Variants in CNBD1 observed in about 807,000 individuals in gnomAD.
The protein encoded by CNBD1 is cyclic nucleotide binding domain containing 1.
Under a neutral mutation model 54.4 loss-of-function variants are expected in CNBD1, and 71 were observed. That is an observed-to-expected ratio of 1.30 (90% confidence interval 1.08 to 1.59). CNBD1 has a LOEUF of 1.59. Ranked by LOEUF, CNBD1 falls within the 40% of genes most tolerant of loss-of-function variation. The probability of loss-of-function intolerance (pLI) is 0.00; values close to 1 mark genes in which losing one functional copy is unlikely to be tolerated. For synonymous variants in CNBD1, 182 were observed against 170.7 expected (o/e 1.07, Z -0.51); for missense variants, 659 against 518.0 (o/e 1.27, Z -2.64).
At chr8:87,213,977 C>T (rs1200497357) in intron 5 of CNBD1, among the ~76,000 whole-genome samples, 3 of 152,074 alleles carry the variant, frequency 2.0e-5, no homozygotes, top group Admixed American at 2.0e-4. Context: ...CATGCAAGTC[C>T]AAAATGCAGC....
chr8:86,906,453 A>G (rs924833955), intron 3 of CNBD1, among the ~76,000 whole-genome samples: 3 of 150,648 alleles, frequency 2.0e-5, no homozygotes, highest in Non-Finnish European at 4.4e-5. Context: ...CCAAGACTGT[A>G]TCTATCATGT....
intron 4 of CNBD1, among the ~76,000 whole-genome samples, chr8:87,035,104 G>T (rs1586212542): frequency 1.3e-5 from 2 of 151,986 alleles, no homozygotes; most frequent in South Asian, 4.1e-4. Context: ...TTGTCTTTTG[G>T]CAAGATATGT....
intron 4 of CNBD1, among the ~76,000 whole-genome samples, chr8:86,992,145 T>A (rs1808763962): frequency 6.6e-6 from 1 of 152,166 alleles, no homozygotes; most frequent in Admixed American, 6.5e-5. Context: ...GCTGTCTAAG[T>A]CTTTTCATAG....
intron 10 of CNBD1, among the ~76,000 whole-genome samples, chr8:87,372,139 G>A (rs1224512203): frequency 6.6e-6 from 1 of 152,032 alleles, no homozygotes; most frequent in Non-Finnish European, 1.5e-5. Context: ...CTTCAGCCAA[G>A]TCTCAGGATA....
intron 2 of CNBD1, among the ~76,000 whole-genome samples, chr8:86,902,513 A>C: frequency 6.6e-6 from 1 of 152,108 alleles, no homozygotes; most frequent in East Asian, 1.9e-4. Flanking sequence ...ACCTTATGAC[A>C]CTTGCTTGGA....
intron 4 of CNBD1, among the ~76,000 whole-genome samples, chr8:87,058,859 G>T (rs932725398): frequency 4.6e-5 from 7 of 152,142 alleles, no homozygotes; most frequent in African/African-American, 1.7e-4. Flanking sequence ...TTGGCTTATT[G>T]TTACTTATGC....
At chr8:87,398,655 C>A (rs1364517448) in intron 2 of CNBD1, among the ~76,000 whole-genome samples, 5 of 152,072 alleles carry the variant, frequency 3.3e-5, no homozygotes, top group African/African-American at 9.6e-5. Flanking sequence ...TCCACACATG[C>A]CTTTCATCAC....
chr8:87,373,063 C>A (rs1316521186), intron 10 of CNBD1, among the ~76,000 whole-genome samples: 2 of 151,532 alleles, frequency 1.3e-5, no homozygotes, highest in African/African-American at 2.4e-5. Flanking sequence ...AAAATTATGA[C>A]CATTTCAAGT....
chr8:87,056,080 C>T (rs1464453518), intron 4 of CNBD1, among the ~76,000 whole-genome samples: 1 of 152,046 alleles, frequency 6.6e-6, no homozygotes, highest in Admixed American at 6.6e-5. Context: ...CTACTATTAT[C>T]CCCACTTTAC....
intron 4 of CNBD1, among the ~76,000 whole-genome samples, chr8:87,124,064 T>G (rs1398001251): frequency 1.3e-5 from 2 of 151,676 alleles, no homozygotes; most frequent in Non-Finnish European, 3.0e-5. Flanking sequence ...AAAGAAGATC[T>G]GATGCCAATT....
chr8:87,026,380 C>T (rs1053251294), intron 4 of CNBD1, among the ~76,000 whole-genome samples: 7 of 150,464 alleles, frequency 4.7e-5, no homozygotes, highest in African/African-American at 1.5e-4. Flanking sequence ...TCCCTCCCTT[C>T]TTCCCTTTCT....
At chr8:87,234,204 T>G (rs1366965618) in intron 5 of CNBD1, among the ~76,000 whole-genome samples, 1 of 152,164 alleles carries the variant, frequency 6.6e-6, no homozygotes, top group Non-Finnish European at 1.5e-5. Flanking sequence ...AAGTCATCCT[T>G]GAGGGTTGGA....
intron 2 of CNBD1, among the ~76,000 whole-genome samples, chr8:87,401,123 G>T (rs1807556591): frequency 1.3e-5 from 2 of 151,932 alleles, no homozygotes; most frequent in South Asian, 4.2e-4. Flanking sequence ...ACACTCCAAA[G>T]CTACATATAA....
At chr8:86,978,446 A>AGCTTTTAT (rs955044784) in intron 4 of CNBD1, among the ~76,000 whole-genome samples, 1 of 151,994 alleles carries the variant, frequency 6.6e-6, no homozygotes, top group African/African-American at 2.4e-5. Flanking sequence ...GATTGACCAC[A>AGCTTTTAT]GCTTTTATGT....
At chr8:87,334,173 G>C (rs921427423) in intron 8 of CNBD1, among the ~76,000 whole-genome samples, 1 of 152,036 alleles carries the variant, frequency 6.6e-6, no homozygotes, top group Non-Finnish European at 1.5e-5. Flanking sequence ...TTGCATAGAG[G>C]TGTTTATACC....
At chr8:86,903,565 G>A (rs940492659) in intron 2 of CNBD1, among the ~76,000 whole-genome samples, 2 of 152,018 alleles carry the variant, frequency 1.3e-5, no homozygotes, top group African/African-American at 4.8e-5. Context: ...TTAAATGGGG[G>A]ACAGAATATC....
At chr8:86,987,773 T>C (rs1340547253) in intron 4 of CNBD1, among the ~76,000 whole-genome samples, 1 of 152,198 alleles carries the variant, frequency 6.6e-6, no homozygotes, top group Non-Finnish European at 1.5e-5. Context: ...TTCTTTTAAT[T>C]CTGTTTATGT....
At chr8:87,235,940 G>A (rs1377452854) in intron 5 of CNBD1, among the ~76,000 whole-genome samples, 2 of 152,018 alleles carry the variant, frequency 1.3e-5, no homozygotes, top group Admixed American at 1.3e-4. Context: ...TTACTTTAAA[G>A]AAGCATGAAA....
At chr8:87,003,678 A>C (rs1809038526) in intron 4 of CNBD1, among the ~76,000 whole-genome samples, 2 of 152,196 alleles carry the variant, frequency 1.3e-5, no homozygotes, top group Admixed American at 1.3e-4. Context: ...GTACTAGAGG[A>C]TATGAGAAGC....
Sources: gnomAD v4.1 joint callset for allele counts (sites outside exome capture counted in the v4.1 genomes callset) on GRCh38, gnomAD v4.1.1 for gene constraint, MANE v1.5 for transcripts, NCBI Gene and HGNC (gene_info 2026-07-23, HGNC 2026-07-21) for gene names.